KIF5C: variants seen among roughly 807,000 people sequenced by gnomAD.
KIF5C encodes the protein kinesin family member 5C.
In KIF5C, 18 loss-of-function variants were observed where a neutral mutation model predicts 125.2. That is an observed-to-expected ratio of 0.14 (90% confidence interval 0.10 to 0.21). The LOEUF is 0.21. Among genes scored for constraint, KIF5C ranks in the 10% least tolerant of loss-of-function variants. The probability of loss-of-function intolerance (pLI) is 1.00; values close to 1 mark genes in which losing one functional copy is unlikely to be tolerated. For missense variants in KIF5C, 780 were observed against 1,183.8 expected, an observed-to-expected ratio of 0.66 and a Z score of 5.01; for synonymous variants, 405 against 434.0, an observed-to-expected ratio of 0.93 and a Z score of 0.83.
chr2:148,947,492 G>C (rs1682546112), intron 8 of KIF5C: 1 of 189,036 alleles, frequency 5.3e-6, no homozygotes, highest in Admixed American at 5.6e-5. Context: ...GCATTCCCTG[G>C]TTCTCCCAGC....
At chr2:148,987,650 C>T (rs1393808739) in intron 15 of KIF5C, among the ~76,000 whole-genome samples, 2 of 151,962 alleles carry the variant, frequency 1.3e-5, no homozygotes, top group African/African-American at 4.8e-5. Flanking sequence ...CTGGGGTCTC[C>T]TTGGCCACGA....
At chr2:148,952,812 C>T (rs1464699446) in intron 10 of KIF5C, among the ~76,000 whole-genome samples, 3 of 152,106 alleles carry the variant, frequency 2.0e-5, no homozygotes, top group East Asian at 1.9e-4. Flanking sequence ...TAAAAAAGTC[C>T]GTGACCGATG....
At chr2:148,972,679 A>G (rs964495418) in intron 11 of KIF5C, among the ~76,000 whole-genome samples, 6 of 152,342 alleles carry the variant, frequency 3.9e-5, no homozygotes, top group South Asian at 2.1e-4. Flanking sequence ...CTTTCCTAAG[A>G]CTACCTGATA....
At chr2:148,949,712 C>A in intron 8 of KIF5C, 127 bp from the exon 9 acceptor site, 1 of 1,318,890 alleles carries the variant, frequency 7.6e-7, no homozygotes, top group South Asian at 1.6e-5. Context: ...CACTGTGGGT[C>A]TTCTCTACTT....
intron 1 of KIF5C, among the ~76,000 whole-genome samples, chr2:148,918,175 C>A (rs1195528970): frequency 6.6e-6 from 1 of 152,106 alleles, no homozygotes; most frequent in Non-Finnish European, 1.5e-5. Flanking sequence ...TGTATGTGAT[C>A]CTGGTAAATT....
intron 25 of KIF5C, among the ~76,000 whole-genome samples, chr2:149,019,576 G>T (rs1423816977): frequency 6.6e-6 from 1 of 152,144 alleles, no homozygotes; most frequent in East Asian, 1.9e-4. Flanking sequence ...CAGCTTCATG[G>T]TTCTCAGAGT....
intron 25 of KIF5C, among the ~76,000 whole-genome samples, chr2:149,015,109 A>G (rs1436850449): frequency 1.3e-5 from 2 of 152,030 alleles, no homozygotes; most frequent in Non-Finnish European, 2.9e-5. Flanking sequence ...AATTGCTTGA[A>G]CCCAGGAGGC....
chr2:148,887,649 G>A (rs1681578660), intron 1 of KIF5C, among the ~76,000 whole-genome samples: 1 of 152,038 alleles, frequency 6.6e-6, no homozygotes, highest in South Asian at 2.1e-4. Flanking sequence ...TTGAAGCTGG[G>A]GTAGGAATCT....
intron 1 of KIF5C, among the ~76,000 whole-genome samples, chr2:148,890,783 G>A (rs976412249): frequency 1.3e-5 from 2 of 152,172 alleles, no homozygotes; most frequent in African/African-American, 4.8e-5. Flanking sequence ...CCATGAGGAC[G>A]GGTACTGTTG....
At chr2:148,919,335 C>T (rs149521467) in intron 1 of KIF5C, among the ~76,000 whole-genome samples, 1 of 152,224 alleles carries the variant, frequency 6.6e-6, no homozygotes, top group Non-Finnish European at 1.5e-5. Flanking sequence ...GCTGCATAGA[C>T]ACCTGGAAGG....
intron 6 of KIF5C, among the ~76,000 whole-genome samples, chr2:148,942,311 A>C (rs1266743336): frequency 6.6e-6 from 1 of 152,236 alleles, no homozygotes; most frequent in Non-Finnish European, 1.5e-5. Context: ...GGCCATGATC[A>C]TAAATAAATA....
chr2:149,001,296 C>T (rs996412551), intron 21 of KIF5C, among the ~76,000 whole-genome samples: 1 of 152,124 alleles, frequency 6.6e-6, no homozygotes, highest in Non-Finnish European at 1.5e-5. Flanking sequence ...GACCTTTGAG[C>T]AGGGACTCGA....
rs976085842 is a variant in KIF5C at position 148,875,476 on chromosome 2, C to T, written c.-142C>T. ...CCGGGGCTGCTCAGCCGGCCGGGCT[C>T]GCGATGACCTGCTGAGAAGCGTCGT... On this transcript the variant is annotated 5_prime_UTR_variant, in exon 1 of 26. Coordinates refer to ENST00000435030, the MANE Select transcript of KIF5C (RefSeq NM_004522.3). 4.4e-6 allele frequency: 3 copies of T among 677,756 alleles called. No individual in the cohort carries two copies. Among genetic ancestry groups the T allele is most frequent in the African/African-American group, 3.7e-5 (2 of 53,718 alleles). 42.0% of individuals were successfully genotyped at this position (677,756 alleles called of 1,614,324 possible). A position where few individuals can be genotyped will look rare whatever the true frequency, so the allele number is the denominator to read the frequency against.
rs568020793 is a variant in KIF5C at position 149,006,415 on chromosome 2, C to T, written c.2445+951C>T. ...GGAAGGATCGGCAGGGAAATACATG[C>T]GGGTGGAAAGAAGTCACATTTGATG... is the stretch of plus-strand genomic sequence containing the variant. On this transcript the variant is annotated intron_variant, in intron 22 of 25. Coordinates refer to ENST00000435030, the MANE Select transcript of KIF5C (RefSeq NM_004522.3). 1.5e-4 allele frequency among the ~76,000 whole-genome samples: 23 copies of T among 152,074 alleles called. No individual in the cohort carries two copies. In the South Asian group the frequency reaches 2.3e-3, roughly 15 times the overall value.
intron 15 of KIF5C, among the ~76,000 whole-genome samples, chr2:148,989,090 G>A (rs1013212474): frequency 2.6e-5 from 4 of 152,150 alleles, no homozygotes; most frequent in Non-Finnish European, 2.9e-5. Context: ...TGTACCCAGT[G>A]TGTGCTCTTT....
intron 4 of KIF5C, among the ~76,000 whole-genome samples, chr2:148,940,799 T>C (rs1184160244): frequency 6.6e-6 from 1 of 152,190 alleles, no homozygotes; most frequent in Non-Finnish European, 1.5e-5. Flanking sequence ...ATGGTACAAT[T>C]GAGGCCTAGG....
At chr2:148,987,146 G>C (rs1458951206) in intron 15 of KIF5C, among the ~76,000 whole-genome samples, 1 of 152,184 alleles carries the variant, frequency 6.6e-6, no homozygotes, top group Non-Finnish European at 1.5e-5. Context: ...AGGGACTTAT[G>C]TTTTTCACAG....
chr2:148,990,860 G>C, intron 15 of KIF5C, 150 bp from the exon 16 acceptor site: 2 of 1,321,300 alleles, frequency 1.5e-6, no homozygotes, highest in Non-Finnish European at 2.0e-6. Flanking sequence ...ACTTGGGGTT[G>C]AATGTTTAGT....
intron 10 of KIF5C, among the ~76,000 whole-genome samples, chr2:148,950,885 C>G (rs535759849): frequency 6.6e-6 from 1 of 151,932 alleles, no homozygotes; most frequent in African/African-American, 2.4e-5. Context: ...CAGCCTTTTA[C>G]TAAATTACAT....
Sources: allele counts gnomAD v4.1 joint callset (sites outside exome capture counted in the v4.1 genomes callset), GRCh38; gene constraint gnomAD v4.1.1; transcripts MANE v1.5; gene names NCBI Gene and HGNC (gene_info 2026-07-23, HGNC 2026-07-21).